Variants in SLC24A2 observed in about 807,000 individuals in gnomAD.
SLC24A2 encodes solute carrier family 24 member 2.
In SLC24A2, 36 loss-of-function variants were observed where a neutral mutation model predicts 62.0. The observed-to-expected ratio is 0.58, with a 90% CI of 0.44 to 0.77. SLC24A2 has a LOEUF of 0.77. SLC24A2 is among the 30% of genes least tolerant of loss of function. The probability of loss-of-function intolerance (pLI) is 0.00; values close to 1 mark genes in which losing one functional copy is unlikely to be tolerated. For missense variants in SLC24A2, 846 were observed against 817.9 expected (o/e 1.03, Z -0.42); for synonymous variants, 358 against 294.0 (o/e 1.22, Z -2.23).
intron 2 of SLC24A2, among the ~76,000 whole-genome samples, chr9:19,773,303 A>G (rs969253650): frequency 1.1e-4 from 17 of 152,324 alleles, no homozygotes; most frequent in East Asian, 9.6e-4. Context: ...GGTGAATTCT[A>G]TGGTAAATGA....
intron 2 of SLC24A2, among the ~76,000 whole-genome samples, chr9:19,784,944 A>C (rs1299816691): frequency 6.6e-6 from 1 of 152,012 alleles, no homozygotes; most frequent in Non-Finnish European, 1.5e-5. Flanking sequence ...TTTTTGAACA[A>C]AATCTTTCAC....
At chr9:19,927,354 T>C in the SLC24A2 span, 6 of 152,356 alleles carry the variant, frequency 3.9e-5, no homozygotes, top group South Asian at 1.2e-3. Flanking sequence ...AGTTTCCAGC[T>C]AAGCCTAGTT....
At chr9:19,796,035 A>G in the SLC24A2 span, among the ~76,000 whole-genome samples, 1 of 147,104 alleles carries the variant, frequency 6.8e-6, no homozygotes, top group African/African-American at 2.5e-5. Context: ...AAAACCAAAC[A>G]CTGCATGTTG....
chr9:20,161,534 G>C, the SLC24A2 span, among the ~76,000 whole-genome samples: 1 of 151,404 alleles, frequency 6.6e-6, no homozygotes, highest in Non-Finnish European at 1.5e-5. Flanking sequence ...TCATTATCAA[G>C]TGAGGTTTAT....
the SLC24A2 span, among the ~76,000 whole-genome samples, chr9:20,226,487 G>A: frequency 9.9e-3 from 1,507 of 152,228 alleles, 26 homozygotes; most frequent in African/African-American, 0.033. Context: ...AGGTAAAACC[G>A]TGGTTCACAA....
intron 2 of SLC24A2, among the ~76,000 whole-genome samples, chr9:19,701,597 C>T (rs539572188): frequency 1.3e-5 from 2 of 152,310 alleles, no homozygotes; most frequent in Admixed American, 6.5e-5. Flanking sequence ...ATAGACCTTA[C>T]TGGGCTAAAA....
intron 2 of SLC24A2, among the ~76,000 whole-genome samples, chr9:19,636,281 C>CTTTTCTTTTCTTTTCTTTTCTTTTCTT (rs768881798): frequency 1.2e-4 from 9 of 74,090 alleles, no homozygotes; most frequent in Non-Finnish European, 2.5e-4. Context: ...TTCTTCTCTT[C>CTTTTCTTTTCTTTTCTTTTCTTTTCTT]TTCTCTTCTT....
Position 19,508,331 on chromosome 9 carries a change from G to T in SLC24A2, c.*7822C>A, listed in dbSNP as rs922350061. Reference sequence around the variant, plus strand: ...AGCCTCTAACAGAGGAATATCACTGGCCCTTGGTTCAGATACCCTTTCTTT... The same window carrying T: ...AGCCTCTAACAGAGGAATATCACTGTCCCTTGGTTCAGATACCCTTTCTTT... On this transcript the variant is annotated 3_prime_UTR_variant, in exon 11 of 11. Coordinates refer to ENST00000341998, the MANE Select transcript of SLC24A2 (RefSeq NM_020344.4). The T allele has an allele frequency of 6.6e-6, 1 of 152,100 alleles. No individual in the cohort carries two copies. The highest frequency in any genetic ancestry group is 1.5e-5 in the Non-Finnish European group (1 of 68,022). 9.4% of individuals were successfully genotyped at this position (152,100 alleles called of 1,614,324 possible).
At chr9:20,074,649 G>T in the SLC24A2 span, among the ~76,000 whole-genome samples, 1 of 139,098 alleles carries the variant, frequency 7.2e-6, no homozygotes, top group Non-Finnish European at 1.5e-5. Context: ...GGAAGGGGGT[G>T]AGGGGGAGGG....
intron 10 of SLC24A2, among the ~76,000 whole-genome samples, chr9:19,519,688 A>G (rs1833098588): frequency 6.6e-6 from 1 of 152,210 alleles, no homozygotes; most frequent in African/African-American, 2.4e-5. Context: ...ATACCAGGAC[A>G]AGAGTAAGAT....
the SLC24A2 span, among the ~76,000 whole-genome samples, chr9:19,802,693 T>A: frequency 7.9e-5 from 12 of 152,274 alleles, no homozygotes; most frequent in African/African-American, 2.4e-4. Flanking sequence ...ATCAAATTCT[T>A]GAAAAAGTAA....
chr9:20,039,344 T>A, the SLC24A2 span, among the ~76,000 whole-genome samples: 1 of 151,888 alleles, frequency 6.6e-6, no homozygotes, highest in African/African-American at 2.4e-5. Context: ...GAAGCTGGAA[T>A]TGGGGATGCC....
chr9:19,729,876 T>G (rs1821284144), intron 2 of SLC24A2, among the ~76,000 whole-genome samples: 1 of 152,046 alleles, frequency 6.6e-6, no homozygotes, highest in African/African-American at 2.4e-5. Flanking sequence ...TATTAGACAT[T>G]ACCAACACAA....
chr9:20,165,666 T>A, the SLC24A2 span, among the ~76,000 whole-genome samples: 1 of 151,906 alleles, frequency 6.6e-6, no homozygotes, highest in African/African-American at 2.4e-5. Context: ...CCATGTTTTT[T>A]AAAAATTAAG....
chr9:19,972,040 C>T, the SLC24A2 span, among the ~76,000 whole-genome samples: 1 of 152,132 alleles, frequency 6.6e-6, no homozygotes, highest in Non-Finnish European at 1.5e-5. Flanking sequence ...TTCTAAAGAG[C>T]TTAGGGAACC....
intron 8 of SLC24A2, among the ~76,000 whole-genome samples, chr9:19,546,773 AGGGT>A (rs1834598574): frequency 6.6e-6 from 1 of 151,888 alleles, no homozygotes; most frequent in Admixed American, 6.6e-5. Context: ...CAGCTAGCTC[AGGGT>A]CTGCCCAAAT....
chr9:19,605,786 A>T (rs1836967227), intron 4 of SLC24A2, among the ~76,000 whole-genome samples: 1 of 152,254 alleles, frequency 6.6e-6, no homozygotes, highest in South Asian at 2.1e-4. Flanking sequence ...CATTGAATAC[A>T]CTTAACAGCC....
At chr9:19,666,005 A>G (rs1039094177) in intron 2 of SLC24A2, among the ~76,000 whole-genome samples, 1 of 152,100 alleles carries the variant, frequency 6.6e-6, no homozygotes, top group East Asian at 1.9e-4. Flanking sequence ...GAGTTAGTAT[A>G]TGTAAAGAGC....
the SLC24A2 span, among the ~76,000 whole-genome samples, chr9:19,892,594 T>A: frequency 1.3e-5 from 2 of 152,256 alleles, no homozygotes; most frequent in East Asian, 3.9e-4. Flanking sequence ...CTGTTAAGAG[T>A]GACCTAAGGA....
Sources: gnomAD v4.1 joint callset for allele counts (sites outside exome capture counted in the v4.1 genomes callset) on GRCh38, gnomAD v4.1.1 for gene constraint, MANE v1.5 for transcripts, NCBI Gene and HGNC (gene_info 2026-07-23, HGNC 2026-07-21) for gene names.